The following CRACD variants were observed in gnomAD, a reference collection of about 807,000 sequenced individuals.
The protein encoded by CRACD is capping protein-inhibiting regulator of actin dynamics.
Under a neutral mutation model 106.8 loss-of-function variants are expected in CRACD, and 56 were observed. That is an observed-to-expected ratio of 0.52 (90% CI 0.42 to 0.66). CRACD has a LOEUF of 0.66. Ranked by LOEUF, CRACD falls within the 30% of genes least tolerant of loss-of-function variation. The pLI, the probability that CRACD is intolerant of heterozygous loss-of-function variation, is 0.00. For missense variants in CRACD, 1,730 were observed against 1,623.2 expected (o/e 1.07, Z -1.13); for synonymous variants, 754 against 670.8 (o/e 1.12, Z -1.92).
chr4:56,285,511 C>T (rs528059361), intron 3 of CRACD, among the ~76,000 whole-genome samples: 34 of 152,120 alleles, frequency 2.2e-4, no homozygotes, highest in Non-Finnish European at 4.6e-4. Context: ...GGGATCACAG[C>T]TCACTGCAGC....
chr4:56,099,219 T>A (rs1733703197), intron 1 of CRACD, among the ~76,000 whole-genome samples: 1 of 152,198 alleles, frequency 6.6e-6, no homozygotes. Context: ...GTTGGTACAC[T>A]GGACTTGTAT....
chr4:56,129,685 C>G (rs1186434110), intron 1 of CRACD, among the ~76,000 whole-genome samples: 1 of 152,214 alleles, frequency 6.6e-6, no homozygotes, highest in East Asian at 1.9e-4. Flanking sequence ...GCGTCAGGCA[C>G]TGTGCCCGGC....
intron 5 of CRACD, among the ~76,000 whole-genome samples, chr4:56,308,014 G>A (rs1305399134): frequency 1.3e-5 from 2 of 152,182 alleles, no homozygotes; most frequent in Admixed American, 6.5e-5. Context: ...TGCCTTTGCT[G>A]TGTGTCTTTA....
chr4:56,054,661 A>G (rs547186298), intron 1 of CRACD, among the ~76,000 whole-genome samples: 85 of 152,350 alleles, frequency 5.6e-4, no homozygotes, highest in African/African-American at 2.0e-3. Flanking sequence ...AAAGAAATAC[A>G]TATTAAGTAA....
At chr4:56,058,289 C>T (rs1480214812) in intron 1 of CRACD, among the ~76,000 whole-genome samples, 3 of 152,102 alleles carry the variant, frequency 2.0e-5, no homozygotes, top group East Asian at 1.9e-4. Flanking sequence ...AGGCTGGTCT[C>T]GAACCCTTGG....
intron 2 of CRACD, among the ~76,000 whole-genome samples, chr4:56,225,011 T>C (rs530251761): frequency 6.6e-6 from 1 of 152,344 alleles, no homozygotes; most frequent in African/African-American, 2.4e-5. Flanking sequence ...ACCTGAAGTC[T>C]TCACTCTTTG....
In CRACD at chr4:56,061,371, C is replaced by G. The variant is rs542101890; in HGVS notation, c.-336+12072C>G. ...TTTTTTTGTAGACATGGGGTCTTGC[C>G]ATGTTGCCTAGGATGGTCTTGAACT... On this transcript the variant is annotated intron_variant, in intron 1 of 10. Coordinates refer to ENST00000682029, the MANE Select transcript of CRACD (RefSeq NM_001393381.1). Among the ~76,000 whole-genome samples the G allele has an allele frequency of 5.7e-4, 87 of 152,160 alleles. 1 individual carries two copies. The South Asian group carries it at 0.013, about 24-fold the overall frequency.
At chr4:56,303,282 C>T (rs7663705) in intron 4 of CRACD, among the ~76,000 whole-genome samples, 70,215 of 151,360 alleles carry the variant, frequency 0.46, 17,271 homozygotes, top group East Asian at 0.88. Flanking sequence ...GAGGCGGAGG[C>T]TGCAGTGAGC....
rs61385755 is a variant in CRACD at position 56,212,704 on chromosome 4, A to G, written c.-189+33274A>G. On this transcript the variant is annotated intron_variant, in intron 2 of 10. Transcript: ENST00000682029. ...CAATGATTTTTCCCTACCAAAGTAC[A>G]CACAAAAAAAGAAACAAAGGGGGGA... Among the ~76,000 whole-genome samples the G allele has an allele frequency of 6.6e-3, 998 of 152,314 alleles. 9 individuals carry two copies. Among genetic ancestry groups the G allele is most frequent in the African/African-American group, 0.023 (944 of 41,560 alleles).
At chr4:56,280,512 A>G (rs1262442884) in intron 3 of CRACD, among the ~76,000 whole-genome samples, 1 of 152,096 alleles carries the variant, frequency 6.6e-6, no homozygotes, top group Non-Finnish European at 1.5e-5. Flanking sequence ...TTCCCCTGAC[A>G]TTGTTCTCAC....
chr4:56,095,965 T>C (rs76716848), intron 1 of CRACD, among the ~76,000 whole-genome samples: 14,894 of 152,128 alleles, frequency 0.098, 1,088 homozygotes, highest in African/African-American at 0.19. Flanking sequence ...ATGTGGGAGA[T>C]GAGAGAAAAG....
chr4:56,148,420 A>G (rs1230762982), intron 1 of CRACD, among the ~76,000 whole-genome samples: 2 of 152,032 alleles, frequency 1.3e-5, no homozygotes, highest in Non-Finnish European at 2.9e-5. Context: ...CCTCCTGAGG[A>G]GCTGGGACTA....
rs1359516804 is a variant in CRACD, at chr4:56,328,821, AAAT to A, written c.*1023_*1025del. ...TCAAAAAGCAACAGTGAGACAGGAA[AAAT>A]AATAAAACAACCCCCCAAGCCAGCC... On this transcript the variant is annotated 3_prime_UTR_variant, in exon 11 of 11. Coordinates refer to ENST00000682029, the MANE Select transcript of CRACD (RefSeq NM_001393381.1). Among the ~76,000 whole-genome samples the A allele has an allele frequency of 6.6e-6, 1 of 152,192 alleles. No individual in the cohort carries two copies. Among genetic ancestry groups the A allele is most frequent in the Non-Finnish European group, 1.5e-5 (1 of 68,034 alleles).
At chr4:56,060,179 G>C (rs570294611) in intron 1 of CRACD, among the ~76,000 whole-genome samples, 1 of 152,036 alleles carries the variant, frequency 6.6e-6, no homozygotes, top group Non-Finnish European at 1.5e-5. Context: ...GTTGGGAGTC[G>C]TACTGAACGT....
chr4:56,198,873 G>A (rs1227640706), intron 2 of CRACD, among the ~76,000 whole-genome samples: 1 of 152,166 alleles, frequency 6.6e-6, no homozygotes, highest in Non-Finnish European at 1.5e-5. Flanking sequence ...TTGGTGACTC[G>A]TGATTCAGAT....
intron 3 of CRACD, among the ~76,000 whole-genome samples, chr4:56,276,115 C>T (rs1482046707): frequency 6.6e-6 from 1 of 152,132 alleles, no homozygotes. Context: ...CTCTCCTAGG[C>T]TGCTGCTTGT....
chr4:56,324,079 C>G lies in CRACD; in HGVS notation c.3379-25C>G, dbSNP rs535050889. On this transcript the variant is annotated intron_variant, in intron 9 of 10. Transcript: ENST00000682029. ...CATGTCTTAGGTTGAAAACATGTTT[C>G]CCATGACTGTCTCTGCCCACGCAGG... is the stretch of plus-strand genomic sequence containing the variant. 11 of 1,586,646 alleles carry G rather than the reference C, an allele frequency of 6.9e-6. No homozygotes were observed. The Admixed American group carries it at 1.9e-4, about 28-fold the overall frequency.
chr4:56,296,059 C>T (rs1460704704), intron 3 of CRACD, among the ~76,000 whole-genome samples: 1 of 152,092 alleles, frequency 6.6e-6, no homozygotes, highest in African/African-American at 2.4e-5. Flanking sequence ...TGTCTTCAAC[C>T]CTCTCACAGT....
In CRACD at chr4:56,315,865, G is replaced by A. The variant is rs1218976350; in HGVS notation, c.2363G>A (p.Gly788Glu). The A allele has an allele frequency of 6.2e-7, 1 of 1,614,198 alleles. No individual in the cohort carries two copies. Among genetic ancestry groups the A allele is most frequent in the Non-Finnish European group, 8.5e-7 (1 of 1,180,036 alleles). ...CGGGAGCCCGCAGACACCACCGAGG[G>A]ATGCAAATTTGCCAAAGACCTCCCG... ...MHREPADTTE[G>E]CKFAKDLPSF... Residue 788 changes from glycine (G) to glutamate (E), a missense_variant, in exon 8 of 11, where the codon GGA becomes GAA. Physicochemically the swap from Gly to Glu is moderately conservative, Grantham distance 98. Transcript: ENST00000682029. This position sits in a 1 kb window ranked among gnomAD's most constrained non-coding sequence, Gnocchi z 4.1.
Sources: gnomAD v4.1 joint callset for allele counts (sites outside exome capture counted in the v4.1 genomes callset) on GRCh38, gnomAD v4.1.1 for gene constraint, Gnocchi (gnomAD v3.1) non-coding constraint, MANE v1.5 for transcripts, NCBI Gene and HGNC (gene_info 2026-07-23, HGNC 2026-07-21) for gene names.